PPARGC1B: variants seen among roughly 807,000 people sequenced by gnomAD.
PPARGC1B encodes the protein peroxisome proliferator-activated receptor gamma coactivator 1-beta.
PPARGC1B carries 34 observed loss-of-function variants against 101.6 expected under a neutral mutation model. That is an observed-to-expected ratio of 0.33 (90% CI 0.25 to 0.45). PPARGC1B has a LOEUF of 0.45. Ranked by LOEUF, PPARGC1B falls within the 20% of genes least tolerant of loss-of-function variation. The pLI, the probability that PPARGC1B is intolerant of heterozygous loss-of-function variation, is 1.00. For synonymous variants in PPARGC1B, 548 were observed against 539.3 expected, an observed-to-expected ratio of 1.02 and a Z score of -0.22; for missense variants, 1,234 against 1,317.6, an observed-to-expected ratio of 0.94 and a Z score of 0.98.
intron 1 of PPARGC1B, among the ~76,000 whole-genome samples, chr5:149,754,004 T>C (rs1755416276): frequency 1.3e-5 from 2 of 152,248 alleles, no homozygotes; most frequent in South Asian, 4.1e-4. Flanking sequence ...GGTGTGCATA[T>C]TTAACATTTT....
At position 149,836,210 on chromosome 5, in the gene PPARGC1B, C is replaced by T. The variant is rs962241073; in HGVS notation, c.1808-53C>T. 4.9e-6 allele frequency: 7 copies of T among 1,434,744 alleles called. No homozygotes were observed. In the East Asian group the frequency reaches 9.2e-5, roughly 19 times the overall value. 88.9% of individuals were successfully genotyped at this position (1,434,744 alleles called of 1,614,324 possible). A position where few individuals can be genotyped will look rare whatever the true frequency, so the allele number is the denominator to read the frequency against. On this transcript the variant is annotated intron_variant, in intron 7 of 11. Coordinates refer to ENST00000309241, the MANE Select transcript of PPARGC1B (RefSeq NM_133263.4). ...GGCCCCAAACTTAGGGTCTTAGTGT[C>T]CCTTGGAGAAGTGATCTGTCTTTAT...
intron 1 of PPARGC1B, among the ~76,000 whole-genome samples, chr5:149,811,058 A>G (rs931944530): frequency 6.6e-6 from 1 of 152,196 alleles, no homozygotes; most frequent in African/African-American, 2.4e-5. Flanking sequence ...AGTCAGATAA[A>G]GCGCAAAATT....
chr5:149,815,242 C>G (rs1758009709), intron 1 of PPARGC1B, among the ~76,000 whole-genome samples: 1 of 152,086 alleles, frequency 6.6e-6, no homozygotes. Flanking sequence ...ATGTGACCTC[C>G]TTGGAGCTAG....
At position 149,820,525 on chromosome 5, in the gene PPARGC1B, C is replaced by G. The variant is rs1581093666; in HGVS notation, c.171C>G (p.Cys57Trp). 4 of 1,614,090 alleles carry G rather than the reference C, an allele frequency of 2.5e-6. No individual in the cohort carries two copies. The East Asian group carries it at 8.9e-5, about 36-fold the overall frequency. Residue 57 changes from cysteine (C) to tryptophan (W), a missense_variant, in exon 2 of 12, where the codon TGC (cysteine) becomes TGG (tryptophan). Cys to Trp is a radical substitution (Grantham distance 215). Coordinates refer to ENST00000309241, the MANE Select transcript of PPARGC1B (RefSeq NM_133263.4). ...CCAGCGACTTTGACTCGGCCACCTG[C>G]TTTGGGGAGCTGCAGTGGTGCCCAG... ...LDASDFDSATCFGELQWCPEN... is the reference protein window; with the variant it reads ...LDASDFDSATWFGELQWCPEN...
At chr5:149,800,796 G>A (rs552738847) in intron 1 of PPARGC1B, among the ~76,000 whole-genome samples, 15 of 152,318 alleles carry the variant, frequency 9.8e-5, no homozygotes, top group Non-Finnish European at 1.9e-4. Context: ...AAATAGCCTG[G>A]AAGTGCAAGA....
At position 149,833,545 on chromosome 5, in the gene PPARGC1B, C is replaced by T. The variant is rs761277329; in HGVS notation, c.1472C>T (p.Thr491Ile). Residue 491 changes from threonine (T) to isoleucine (I), a missense_variant, in exon 5 of 12, where the codon ACA becomes ATA. This residue lies in a region of PPARGC1B where 734 missense variants were observed against 768.4 expected (regional missense o/e 0.96). Coordinates refer to ENST00000309241, the MANE Select transcript of PPARGC1B (RefSeq NM_133263.4). This position sits in a 1 kb window ranked among gnomAD's most constrained non-coding sequence, Gnocchi z 4.1. ...RLNPELGPWL[T>I]FADEPLVPSE... Reference sequence around the variant, plus strand: ...AACCCTGAGCTGGGCCCCTGGCTGACATTTGCAGATGAGCCGCTGGTCCCC... The same window carrying T: ...AACCCTGAGCTGGGCCCCTGGCTGATATTTGCAGATGAGCCGCTGGTCCCC... 1.1e-5 allele frequency: 18 copies of T among 1,580,630 alleles called. No homozygotes were observed. The highest frequency in any genetic ancestry group is 1.5e-5 in the Non-Finnish European group (18 of 1,163,472).
chr5:149,804,144 A>T (rs1301420437), intron 1 of PPARGC1B, among the ~76,000 whole-genome samples: 1 of 152,254 alleles, frequency 6.6e-6, no homozygotes, highest in Non-Finnish European at 1.5e-5. Flanking sequence ...GGTTAGTGTG[A>T]GAGAGACTGC....
rs151183087 is a variant in PPARGC1B, at chr5:149,760,603, G to A, written c.78+30183G>A. On this transcript the variant is annotated intron_variant, in intron 1 of 11. Transcript: ENST00000309241. ...GCAAGTGTAGAGAAGGCAGGGACAC[G>A]TTTGGGGTTGACATTGCACATTATA... 8.5e-5 allele frequency among the ~76,000 whole-genome samples: 13 copies of A among 152,320 alleles called. No homozygotes were observed. In the East Asian group the frequency reaches 1.3e-3, roughly 16 times the overall value.
At chr5:149,812,440 CATAAG>C (rs1757900679) in intron 1 of PPARGC1B, among the ~76,000 whole-genome samples, 1 of 146,964 alleles carries the variant, frequency 6.8e-6, no homozygotes, top group African/African-American at 2.5e-5. Flanking sequence ...GGGTTTTTTT[CATAAG>C]GTAAGAGAGA....
At chr5:149,789,234 T>C (rs1292557449) in intron 1 of PPARGC1B, among the ~76,000 whole-genome samples, 1 of 152,188 alleles carries the variant, frequency 6.6e-6, no homozygotes, top group African/African-American at 2.4e-5. Context: ...CCTTTACTTT[T>C]TTCAGCTCTC....
At chr5:149,754,725 A>G (rs1037910249) in intron 1 of PPARGC1B, among the ~76,000 whole-genome samples, 2 of 148,480 alleles carry the variant, frequency 1.3e-5, no homozygotes, top group African/African-American at 5.0e-5. Flanking sequence ...GTCTTGCTAT[A>G]TATAGTAGGA....
At chr5:149,813,523 G>A (rs1015647751) in intron 1 of PPARGC1B, among the ~76,000 whole-genome samples, 2 of 152,256 alleles carry the variant, frequency 1.3e-5, no homozygotes, top group Non-Finnish European at 2.9e-5. Context: ...TGGGTGAGCC[G>A]GCAGGTTTAG....
chr5:149,766,693 G>A (rs138289822), intron 1 of PPARGC1B, among the ~76,000 whole-genome samples: 17 of 152,330 alleles, frequency 1.1e-4, no homozygotes, highest in Admixed American at 9.8e-4. Flanking sequence ...AGTCCTGCCC[G>A]TGTCCTTGAC....
intron 1 of PPARGC1B, among the ~76,000 whole-genome samples, chr5:149,749,850 C>T (rs898460708): frequency 6.6e-6 from 1 of 152,114 alleles, no homozygotes. Context: ...TGTCACAAGT[C>T]TGGGATTGTG....
chr5:149,794,133 T>C (rs189364429), intron 1 of PPARGC1B, among the ~76,000 whole-genome samples: 110 of 152,268 alleles, frequency 7.2e-4, no homozygotes, highest in African/African-American at 2.6e-3. Flanking sequence ...AGTTGCCAAC[T>C]CCCAATGATT....
At chr5:149,787,043 C>T (rs932801121) in intron 1 of PPARGC1B, among the ~76,000 whole-genome samples, 9 of 152,178 alleles carry the variant, frequency 5.9e-5, no homozygotes, top group African/African-American at 2.2e-4. Flanking sequence ...CCAGGAGCTC[C>T]ATCTCTCAAC....
rs1759379570 is a variant in PPARGC1B, at chr5:149,842,282, A to G, written c.2721A>G (p.Gln907=). The G allele has an allele frequency of 6.2e-7, 1 of 1,613,870 alleles. No individual in the cohort carries two copies. The highest frequency in any genetic ancestry group is 1.3e-5 in the African/African-American group (1 of 74,914). ...GGGAAGGCCGCGTGGTGTACATTCA[A>G]AATCTCTCCAGCGACATGAGCTCCC... ...AIGEGRVVYI[Q]NLSSDMSSRE... Residue 907 remains glutamine (Q), a synonymous_variant, in exon 10 of 12, where the codon CAA becomes CAG. Coordinates refer to ENST00000309241, the MANE Select transcript of PPARGC1B (RefSeq NM_133263.4).
chr5:149,842,004 C>G (rs1365153473), intron 9 of PPARGC1B, among the ~76,000 whole-genome samples: 1 of 152,204 alleles, frequency 6.6e-6, no homozygotes, highest in African/African-American at 2.4e-5. Flanking sequence ...CTTCCTAGCC[C>G]CAGTCTTTGC....
intron 1 of PPARGC1B, among the ~76,000 whole-genome samples, chr5:149,817,995 T>C (rs1242227100): frequency 2.0e-5 from 3 of 152,174 alleles, no homozygotes; most frequent in Non-Finnish European, 2.9e-5. Flanking sequence ...CACGGCTGCA[T>C]CCCCACAGTC....
Sources: allele counts gnomAD v4.1 joint callset (sites outside exome capture counted in the v4.1 genomes callset), GRCh38; gene constraint gnomAD v4.1.1; regional missense constraint gnomAD v4.1.1; non-coding constraint Gnocchi (gnomAD v3.1); transcripts MANE v1.5; gene names NCBI Gene and HGNC (gene_info 2026-07-23, HGNC 2026-07-21).